FGF7: variants seen among roughly 807,000 people sequenced by gnomAD.
The protein encoded by FGF7 is FGF-7.
A neutral mutation model predicts 20.5 loss-of-function variants in FGF7; 6 were observed. The observed-to-expected ratio is 0.29, with a 90% CI of 0.16 to 0.58. The LOEUF (loss-of-function observed/expected upper bound fraction) is 0.58, where lower values mean the gene tolerates loss of function less well. Among genes scored for constraint, FGF7 ranks in the 20% least tolerant of loss-of-function variants. The probability of loss-of-function intolerance (pLI) is 0.90; values close to 1 mark genes in which losing one functional copy is unlikely to be tolerated. For synonymous variants in FGF7, 64 were observed against 74.7 expected, an observed-to-expected ratio of 0.86 and a Z score of 0.74; for missense variants, 144 against 228.8, an observed-to-expected ratio of 0.63 and a Z score of 2.39.
At chr15:49,469,780 T>A (rs1017904632) in intron 2 of FGF7, among the ~76,000 whole-genome samples, 6 of 152,144 alleles carry the variant, frequency 3.9e-5, no homozygotes, top group African/African-American at 1.4e-4. Flanking sequence ...TGATTGATAA[T>A]AGCAGTAATG....
chr15:49,479,599 G>GTTTTTTTTTTTTTTTTT (rs56097665), intron 2 of FGF7, among the ~76,000 whole-genome samples: 7 of 63,320 alleles, frequency 1.1e-4, no homozygotes, highest in African/African-American at 4.4e-4. Flanking sequence ...TAATACCTCT[G>GTTTTTTTTTTTTTTTTT]TTTTTTTTTT....
intron 2 of FGF7, among the ~76,000 whole-genome samples, chr15:49,458,387 C>T (rs1003236793): frequency 1.3e-5 from 2 of 152,036 alleles, no homozygotes; most frequent in Admixed American, 1.3e-4. Context: ...CATAAACATG[C>T]ACGTCCAGCA....
At chr15:49,483,618 A>C (rs1398974136) in intron 3 of FGF7, among the ~76,000 whole-genome samples, 1 of 152,006 alleles carries the variant, frequency 6.6e-6, no homozygotes. Flanking sequence ...CTGACATGAA[A>C]ATTCTTGGGA....
Position 49,486,452 on chromosome 15 carries a change from A to G in FGF7, c.*1948A>G, listed in dbSNP as rs1246909827. Reference sequence around the variant, plus strand: ...AGGGCAGAGGAGGACTTAGTTTTTCATATGTGTTTCCTTAGTGCCTAGCAG... The same window carrying G: ...AGGGCAGAGGAGGACTTAGTTTTTCGTATGTGTTTCCTTAGTGCCTAGCAG... On this transcript the variant is annotated 3_prime_UTR_variant, in exon 4 of 4. Coordinates refer to ENST00000267843, the MANE Select transcript of FGF7 (RefSeq NM_002009.4). 1.3e-5 allele frequency: 2 copies of G among 151,964 alleles called. No individual in the cohort carries two copies. Among genetic ancestry groups the G allele is most frequent in the Non-Finnish European group, 2.9e-5 (2 of 67,922 alleles). The allele number at this position is 151,964 out of a possible 1,614,324, so 9.4% of individuals were successfully genotyped here.
At chr15:49,428,402 T>C (rs1270619666) in intron 2 of FGF7, among the ~76,000 whole-genome samples, 1 of 151,966 alleles carries the variant, frequency 6.6e-6, no homozygotes, top group Non-Finnish European at 1.5e-5. Flanking sequence ...AAGAAGAGCA[T>C]TGAGAACATC....
chr15:49,444,351 C>T (rs1464402253), intron 2 of FGF7, among the ~76,000 whole-genome samples: 1 of 151,592 alleles, frequency 6.6e-6, no homozygotes, highest in African/African-American at 2.4e-5. Context: ...TTTGAAAATG[C>T]ACGGAACCAA....
intron 2 of FGF7, among the ~76,000 whole-genome samples, chr15:49,427,386 A>G (rs2050219906): frequency 6.6e-6 from 1 of 152,040 alleles, no homozygotes; most frequent in Admixed American, 6.6e-5. Flanking sequence ...TGGATTGTCT[A>G]CTAGAATGAA....
intron 2 of FGF7, among the ~76,000 whole-genome samples, chr15:49,438,470 A>G (rs2051312423): frequency 1.3e-5 from 2 of 151,714 alleles, no homozygotes; most frequent in Non-Finnish European, 3.0e-5. Flanking sequence ...TGCAGAAGAG[A>G]AAAGGGAGAA....
intron 2 of FGF7, among the ~76,000 whole-genome samples, chr15:49,457,724 T>C (rs1597327542): frequency 6.6e-6 from 1 of 151,794 alleles, no homozygotes; most frequent in East Asian, 1.9e-4. Flanking sequence ...ATTTAGAAAA[T>C]AGATGACAAG....
chr15:49,449,806 T>TATAA (rs5812486), intron 2 of FGF7, among the ~76,000 whole-genome samples: 142,755 of 151,872 alleles, frequency 0.94, 67,753 homozygotes, highest in East Asian at 1. Flanking sequence ...CATAGTCAAT[T>TATAA]ATAAAGATAC....
chr15:49,424,277 C>A lies in FGF7; in HGVS notation c.-21C>A, dbSNP rs757633648. ...TCATTTTCATTATGTTATTCATGAA[C>A]ACCCGGAGCACTACACTATAATGCA... is the stretch of plus-strand genomic sequence containing the variant. On this transcript the variant is annotated 5_prime_UTR_variant, in exon 2 of 4. Coordinates refer to ENST00000267843, the MANE Select transcript of FGF7 (RefSeq NM_002009.4). 1 of 1,594,016 alleles carries A rather than the reference C, an allele frequency of 6.3e-7. No individual in the cohort carries two copies. Among genetic ancestry groups the A allele is most frequent in the Non-Finnish European group, 8.6e-7 (1 of 1,165,952 alleles).
intron 2 of FGF7, among the ~76,000 whole-genome samples, chr15:49,436,331 T>C (rs954096781): frequency 1.3e-5 from 2 of 151,594 alleles, no homozygotes; most frequent in African/African-American, 2.4e-5. Flanking sequence ...GATGAGTCCA[T>C]TGTGTGATTA....
chr15:49,481,532 A>G (rs374597384), intron 2 of FGF7, among the ~76,000 whole-genome samples: 12 of 152,338 alleles, frequency 7.9e-5, no homozygotes, highest in East Asian at 3.9e-4. Flanking sequence ...TGAATGCATC[A>G]ACATCATAAT....
intron 2 of FGF7, among the ~76,000 whole-genome samples, chr15:49,444,222 T>C (rs183211963): frequency 6.6e-6 from 1 of 151,676 alleles, no homozygotes; most frequent in Non-Finnish European, 1.5e-5. Flanking sequence ...TAAGGATTTA[T>C]GATTGCTCTC....
intron 2 of FGF7, among the ~76,000 whole-genome samples, chr15:49,480,254 A>T (rs2055808010): frequency 1.3e-5 from 2 of 152,130 alleles, no homozygotes; most frequent in Admixed American, 1.3e-4. Flanking sequence ...TGGTATCCTT[A>T]ACCCTAATAT....
intron 2 of FGF7, 55 bp downstream of exon 2, chr15:49,424,638 T>A: frequency 7.4e-7 from 1 of 1,347,458 alleles, no homozygotes. Context: ...ATGGATCAAT[T>A]TTCAGGTGAT....
chr15:49,468,896 A>T (rs1280194590), intron 2 of FGF7, among the ~76,000 whole-genome samples: 1 of 152,166 alleles, frequency 6.6e-6, no homozygotes, highest in Non-Finnish European at 1.5e-5. Flanking sequence ...CAGTGCTCAT[A>T]ATTTGGGCTT....
chr15:49,474,538 G>C (rs115241943), intron 2 of FGF7, among the ~76,000 whole-genome samples: 29 of 152,264 alleles, frequency 1.9e-4, no homozygotes, highest in African/African-American at 6.5e-4. Flanking sequence ...AGGTAAAAGA[G>C]AGGCATCAGT....
intron 2 of FGF7, among the ~76,000 whole-genome samples, chr15:49,467,602 G>T (rs2054378756): frequency 6.6e-6 from 1 of 152,058 alleles, no homozygotes; most frequent in Non-Finnish European, 1.5e-5. Context: ...TTTCTCACAT[G>T]TTCTGGGACT....
Sources: gnomAD v4.1 joint callset for allele counts (sites outside exome capture counted in the v4.1 genomes callset) on GRCh38, gnomAD v4.1.1 for gene constraint, MANE v1.5 for transcripts, NCBI Gene and HGNC (gene_info 2026-07-23, HGNC 2026-07-21) for gene names.